The following EFS variants were observed in gnomAD, a reference collection of about 807,000 sequenced individuals.
The protein encoded by EFS is Cas scaffolding protein family member 3.
A neutral mutation model predicts 42.2 loss-of-function variants in EFS; 34 were observed. The ratio of observed to expected loss-of-function variants is 0.81; its 90% CI spans 0.61 to 1.07. The LOEUF is 1.07. Ranked by LOEUF, EFS falls within the 50% of genes least tolerant of loss-of-function variation. The pLI, the probability that EFS is intolerant of heterozygous loss-of-function variation, is 0.00. For synonymous variants in EFS, 299 were observed against 320.7 expected, an observed-to-expected ratio of 0.93 and a Z score of 0.72; for missense variants, 717 against 729.4, an observed-to-expected ratio of 0.98 and a Z score of 0.20.
chr14:23,360,403 A>C, intron 2 of EFS, 122 bp from the exon 3 acceptor site: 1 of 1,498,390 alleles, frequency 6.7e-7, no homozygotes, highest in East Asian at 2.3e-5. Flanking sequence ...CACAGCTCAG[A>C]AAGGTTGGTA....
chr14:23,357,772 C>T lies in EFS; in HGVS notation c.1252-112G>A, dbSNP rs1889978156. 1.6e-5 allele frequency: 14 copies of T among 896,672 alleles called. 1 individual carries two copies. In the South Asian group the frequency reaches 3.8e-4, roughly 24 times the overall value. 55.5% of individuals were successfully genotyped at this position (896,672 alleles called of 1,614,324 possible). On this transcript the variant is annotated intron_variant, in intron 5 of 5. Transcript: ENST00000216733. The stretch of plus-strand genomic sequence containing the variant: ...CCAAGGGCGATCCTTTTAGCTCTTA[C>T]CTCTGCCCATCGGAAAGTTTAGATT...
chr14:23,360,576 A>G lies in EFS; in HGVS notation c.276T>C (p.Asp92=). The G allele has an allele frequency of 6.4e-7, 1 of 1,561,126 alleles. No individual in the cohort carries two copies. The highest frequency in any genetic ancestry group is 8.7e-7 in the Non-Finnish European group (1 of 1,152,448). ...TCACCTCCTGGTCCTCATTGCTGTG[A>G]TCTGGGGCTGGATATGGTGAGCCAG... ...AQPGSPYPAP[D]HSNEDQEVYV... Residue 92 remains aspartate, a synonymous_variant, in exon 2 of 6, where the codon GAT becomes GAC. Coordinates refer to ENST00000216733, the MANE Select transcript of EFS (RefSeq NM_005864.4).
chr14:23,358,011 AC>A (rs1889986140), intron 5 of EFS, among the ~76,000 whole-genome samples: 2 of 151,860 alleles, frequency 1.3e-5, no homozygotes, highest in Non-Finnish European at 2.9e-5. Context: ...TAAAAAAAAA[AC>A]AAAACCCTAA....
chr14:23,364,863 A>G, intron 1 of EFS, 145 bp downstream of exon 1: 1 of 723,514 alleles, frequency 1.4e-6, no homozygotes. Context: ...GAAGGGAAAC[A>G]AAAGTGAGAG....
intron 1 of EFS, among the ~76,000 whole-genome samples, chr14:23,363,040 A>G (rs1890207685): frequency 6.6e-6 from 1 of 151,402 alleles, no homozygotes; most frequent in Non-Finnish European, 1.5e-5. Context: ...CAGCCTCCCG[A>G]GTAGCTGGGA....
intron 1 of EFS, among the ~76,000 whole-genome samples, chr14:23,362,920 T>A (rs958578163): frequency 4.7e-5 from 7 of 150,044 alleles, no homozygotes; most frequent in Non-Finnish European, 8.9e-5. Context: ...TTTCTTTCTT[T>A]TTTTTTTTTT....
intron 1 of EFS, among the ~76,000 whole-genome samples, chr14:23,361,127 A>G (rs904424949): frequency 6.6e-6 from 1 of 151,944 alleles, no homozygotes; most frequent in Non-Finnish European, 1.5e-5. Context: ...CGTACTTTAT[A>G]CTATTTGTCT....
In EFS at chr14:23,359,900, G is replaced by A. The variant is rs940614316; in HGVS notation, c.578C>T (p.Thr193Ile). 6.5e-7 allele frequency: 1 copy of A among 1,537,706 alleles called. No homozygotes were observed. Among genetic ancestry groups the A allele is most frequent in the African/African-American group, 1.4e-5 (1 of 72,494 alleles). Residue 193 changes from threonine (T) to isoleucine (I), a missense_variant, in exon 4 of 6, where the codon ACC becomes ATC. Thr to Ile is a moderately conservative substitution (Grantham distance 89). Transcript: ENST00000216733. ...TTCCAGCTCTGCAGGTGGCTTTGGGGTCAGAGGCACATCATAGGGAGCATC... is the reference window on the plus strand; with the variant it reads ...TTCCAGCTCTGCAGGTGGCTTTGGGATCAGAGGCACATCATAGGGAGCATC... The part of the protein sequence containing the change: ...EDDAPYDVPL[T>I]PKPPAELEPD...
rs1890028863 is a variant in EFS, at chr14:23,359,180, G to C, written c.1161+137C>G. The C allele has an allele frequency of 4.3e-6, 6 of 1,381,138 alleles. No homozygotes were observed. In the South Asian group the frequency reaches 6.0e-5, roughly 14 times the overall value. 85.6% of individuals were successfully genotyped at this position (1,381,138 alleles called of 1,614,324 possible). On this transcript the variant is annotated intron_variant, in intron 4 of 5. Coordinates refer to ENST00000216733, the MANE Select transcript of EFS (RefSeq NM_005864.4). ...GTACAAGTGTTGTGGCCAAGTACTGGGGTCCCAGGCTGCAGGGTAGAGGGA... is the reference window on the plus strand; with the variant it reads ...GTACAAGTGTTGTGGCCAAGTACTGCGGTCCCAGGCTGCAGGGTAGAGGGA...
rs1224854551 is a variant in EFS at position 23,357,571 on chromosome 14, G to A, written c.1341C>T (p.Tyr447=). 1 of 1,608,282 alleles carries A rather than the reference G, an allele frequency of 6.2e-7. No homozygotes were observed. Among genetic ancestry groups the A allele is most frequent in the Non-Finnish European group, 8.5e-7 (1 of 1,175,888 alleles). The part of the protein sequence containing the change: ...YFYAGQCQSH[Y]SALQAAVAAL... ...CTGCCACGGCTGCCTGCAGGGCTGAGTAGTGGCTCTGGCATTGCCCAGCAT... is the reference window on the plus strand; with the variant it reads ...CTGCCACGGCTGCCTGCAGGGCTGAATAGTGGCTCTGGCATTGCCCAGCAT... Residue 447 remains tyrosine, a synonymous_variant, in exon 6 of 6, where the codon TAC becomes TAT. Coordinates refer to ENST00000216733, the MANE Select transcript of EFS (RefSeq NM_005864.4).
At position 23,359,667 on chromosome 14, in the gene EFS, C is replaced by A; in HGVS notation, c.811G>T (p.Ala271Ser). The A allele has an allele frequency of 6.6e-7, 1 of 1,509,908 alleles. No individual in the cohort carries two copies. The allele number at this position is 1,509,908 out of a possible 1,614,324, so 93.5% of individuals were successfully genotyped here. A position where few individuals can be genotyped will look rare whatever the true frequency, so the allele number is the denominator to read the frequency against. ...EAPPSPEPPG[A>S]LASHDQDTLA... ...GTGTCCTGGTCATGGGAGGCCAAGG[C>A]TCCAGGGGGCTCTGGAGAAGGGGGA... The change falls in exon 4 of 6, where the codon GCC (alanine) becomes TCC (serine). Residue 271 changes from alanine to serine, a missense_variant. Physicochemically the swap from Ala to Ser is moderately conservative, Grantham distance 99 (BLOSUM62 1). Coordinates refer to ENST00000216733, the MANE Select transcript of EFS (RefSeq NM_005864.4).
At chr14:23,358,163 G>C (rs1373517264) in intron 5 of EFS, among the ~76,000 whole-genome samples, 1 of 152,078 alleles carries the variant, frequency 6.6e-6, no homozygotes, top group African/African-American at 2.4e-5. Context: ...ATTTGAACTA[G>C]GCCTATCTTG....
chr14:23,358,999 G>T (rs778224450), intron 4 of EFS, 34 bp from the exon 5 acceptor site: 37 of 1,571,192 alleles, frequency 2.4e-5, no homozygotes, highest in South Asian at 2.3e-4. Context: ...GTGTCGGGGT[G>T]GGGGAGCAGG....
intron 4 of EFS, 79 bp downstream of exon 4, chr14:23,359,238 C>T: frequency 1.3e-6 from 2 of 1,599,002 alleles, no homozygotes; most frequent in South Asian, 1.1e-5. Flanking sequence ...GAGGCTCTGC[C>T]TCTGTGCCCT....
intron 1 of EFS, among the ~76,000 whole-genome samples, chr14:23,363,560 T>C (rs1890223183): frequency 6.6e-6 from 1 of 152,124 alleles, no homozygotes; most frequent in African/African-American, 2.4e-5. Flanking sequence ...GCCAGAGTAC[T>C]CCCAGAGGTA....
chr14:23,357,707 ATT>A (rs1889976146), intron 5 of EFS, 47 bp from the exon 6 acceptor site: 4 of 1,432,144 alleles, frequency 2.8e-6, no homozygotes, highest in Non-Finnish European at 2.8e-6. Context: ...CATGAGTGCC[ATT>A]TCCTCCCTCA....
intron 1 of EFS, among the ~76,000 whole-genome samples, chr14:23,362,702 A>G (rs1415672844): frequency 6.6e-6 from 1 of 152,190 alleles, no homozygotes; most frequent in Non-Finnish European, 1.5e-5. Context: ...CTAGAGGCAG[A>G]CCTGGGCTTG....
In EFS at chr14:23,365,050, C is replaced by T; in HGVS notation, c.-25G>A. 1 of 1,312,804 alleles carries T rather than the reference C, an allele frequency of 7.6e-7. No homozygotes were observed. The highest frequency in any genetic ancestry group is 9.8e-7 in the Non-Finnish European group (1 of 1,021,036). 81.3% of individuals were successfully genotyped at this position (1,312,804 alleles called of 1,614,324 possible). ...TGGCTTTGGCCTCCCGCGCAGCCTG[C>T]CTCAGGCCAGGCTCGGTTTTGCTGA... On this transcript the variant is annotated 5_prime_UTR_variant, in exon 1 of 6. Coordinates refer to ENST00000216733, the MANE Select transcript of EFS (RefSeq NM_005864.4). This position sits in a 1 kb window ranked among gnomAD's most constrained non-coding sequence, Gnocchi z 5.3.
At position 23,365,005 on chromosome 14, in the gene EFS, C is replaced by T; in HGVS notation, c.18+3G>A. On this transcript the variant is annotated splice_donor_region_variant and intron_variant, in intron 1 of 5. Transcript: ENST00000216733. This position sits in a 1 kb window ranked among gnomAD's most constrained non-coding sequence, Gnocchi z 5.3. ...GGCAGCCTCCACTCCCTGGTGGACT[C>T]ACCGACGTGGCAATGGCCATGGCTT... 1.5e-6 allele frequency: 2 copies of T among 1,336,052 alleles called. No individual in the cohort carries two copies. Among genetic ancestry groups the T allele is most frequent in the Non-Finnish European group, 1.9e-6 (2 of 1,033,178 alleles). 82.8% of individuals were successfully genotyped at this position (1,336,052 alleles called of 1,614,324 possible).
Sources: gnomAD v4.1 joint callset for allele counts (sites outside exome capture counted in the v4.1 genomes callset) on GRCh38, gnomAD v4.1.1 for gene constraint, Gnocchi (gnomAD v3.1) non-coding constraint, MANE v1.5 for transcripts, NCBI Gene and HGNC (gene_info 2026-07-23, HGNC 2026-07-21) for gene names.